LHFPL3: variants seen among roughly 807,000 people sequenced by gnomAD.
LHFPL3 encodes the protein LHFPL tetraspan subfamily member 3 protein.
In LHFPL3, 5 loss-of-function variants were observed where a neutral mutation model predicts 19.3. That is an observed-to-expected ratio of 0.26 (90% CI 0.14 to 0.54). The LOEUF (loss-of-function observed/expected upper bound fraction) is 0.54. LHFPL3 is among the 20% of genes least tolerant of loss of function. The probability of loss-of-function intolerance (pLI) is 0.94; values close to 1 mark genes in which losing one functional copy is unlikely to be tolerated. For missense variants in LHFPL3, 249 were observed against 307.4 expected, an observed-to-expected ratio of 0.81 and a Z score of 1.42; for synonymous variants, 133 against 126.2, an observed-to-expected ratio of 1.05 and a Z score of -0.36.
chr7:104,466,208 A>T (rs1792781830), intron 1 of LHFPL3, among the ~76,000 whole-genome samples: 2 of 152,204 alleles, frequency 1.3e-5, no homozygotes, highest in Non-Finnish European at 2.9e-5. Flanking sequence ...TATCTGTTTA[A>T]ATATTGGTAT....
chr7:104,433,265 G>A (rs1368000880), intron 1 of LHFPL3, among the ~76,000 whole-genome samples: 1 of 152,180 alleles, frequency 6.6e-6, no homozygotes, highest in Non-Finnish European at 1.5e-5. Flanking sequence ...CTTTGGAAAA[G>A]TTTACATGCT....
At chr7:104,462,307 C>T (rs1480188327) in intron 1 of LHFPL3, among the ~76,000 whole-genome samples, 1 of 152,118 alleles carries the variant, frequency 6.6e-6, no homozygotes, top group African/African-American at 2.4e-5. Flanking sequence ...AGAGGGCATC[C>T]TTGTCTTGTG....
At chr7:104,426,773 A>G (rs1791855844) in intron 1 of LHFPL3, among the ~76,000 whole-genome samples, 1 of 152,032 alleles carries the variant, frequency 6.6e-6, no homozygotes, top group South Asian at 2.1e-4. Flanking sequence ...TCCTACTTTC[A>G]TTTGCATTGG....
chr7:104,414,919 G>A (rs775182318), intron 1 of LHFPL3, among the ~76,000 whole-genome samples: 6 of 152,182 alleles, frequency 3.9e-5, no homozygotes, highest in Non-Finnish European at 8.8e-5. Context: ...CTGAGGATGT[G>A]TTTGGATTTA....
At chr7:104,542,201 C>T (rs1794498647) in intron 1 of LHFPL3, among the ~76,000 whole-genome samples, 1 of 152,068 alleles carries the variant, frequency 6.6e-6, no homozygotes, top group African/African-American at 2.4e-5. Context: ...TTTGAGGCCC[C>T]AGTTCCAGGA....
At chr7:104,518,999 A>G (rs1163684891) in intron 1 of LHFPL3, among the ~76,000 whole-genome samples, 1 of 152,150 alleles carries the variant, frequency 6.6e-6, no homozygotes. Context: ...TGAGGAAAAT[A>G]CACACATTTT....
chr7:104,612,975 T>C (rs1212215984), intron 1 of LHFPL3, among the ~76,000 whole-genome samples: 2 of 152,224 alleles, frequency 1.3e-5, no homozygotes, highest in Non-Finnish European at 1.5e-5. Flanking sequence ...ATTGAAGTAA[T>C]TCATTTGGAA....
At chr7:104,658,519 C>T (rs2115973159) in intron 1 of LHFPL3, among the ~76,000 whole-genome samples, 1 of 152,298 alleles carries the variant, frequency 6.6e-6, no homozygotes, top group East Asian at 1.9e-4. Context: ...CCTCTAGTAC[C>T]TGGCTGGCAT....
chr7:104,796,009 G>A (rs902358493), intron 2 of LHFPL3, among the ~76,000 whole-genome samples: 4 of 152,136 alleles, frequency 2.6e-5, no homozygotes, highest in South Asian at 2.1e-4. Context: ...CCAGTGCCGG[G>A]GCTTCTGCCT....
At chr7:104,701,845 C>T (rs980723829) in intron 1 of LHFPL3, among the ~76,000 whole-genome samples, 2 of 145,316 alleles carry the variant, frequency 1.4e-5, no homozygotes, top group Non-Finnish European at 3.0e-5. Context: ...TTTCTAGGAA[C>T]CCTTTTTTGT....
chr7:104,604,190 G>A (rs1791044199), intron 1 of LHFPL3, among the ~76,000 whole-genome samples: 2 of 152,196 alleles, frequency 1.3e-5, no homozygotes, highest in Non-Finnish European at 2.9e-5. Flanking sequence ...GCACCACATG[G>A]TAGCTGACAA....
intron 1 of LHFPL3, among the ~76,000 whole-genome samples, chr7:104,362,803 G>A (rs569985927): frequency 6.6e-6 from 1 of 152,352 alleles, no homozygotes; most frequent in East Asian, 1.9e-4. Context: ...AATGGAGAAT[G>A]TTGATTAGTT....
chr7:104,621,722 A>T (rs1383735265), intron 1 of LHFPL3, among the ~76,000 whole-genome samples: 4 of 152,236 alleles, frequency 2.6e-5, no homozygotes, highest in Non-Finnish European at 4.4e-5. Context: ...AGTTGGCAGC[A>T]GGCATGCTCC....
In LHFPL3 at chr7:104,884,807, C is replaced by G. The variant is rs148939041; in HGVS notation, c.683-21380C>G. ...CCCAAGCTTCAAGGGGAGACTTTGTCTGCACCTGGAAAGGAGGGGTTCTGT... is the reference window on the plus strand; with the variant it reads ...CCCAAGCTTCAAGGGGAGACTTTGTGTGCACCTGGAAAGGAGGGGTTCTGT... On this transcript the variant is annotated intron_variant, in intron 2 of 2. Coordinates refer to ENST00000424859, the MANE Select transcript of LHFPL3 (RefSeq NM_199000.3). Among the ~76,000 whole-genome samples the G allele has an allele frequency of 9.4e-4, 143 of 152,256 alleles. 1 individual carries two copies. Among genetic ancestry groups the G allele is most frequent in the South Asian group, 3.7e-3 (18 of 4,822 alleles).
At chr7:104,784,458 T>C (rs1303355813) in intron 2 of LHFPL3, among the ~76,000 whole-genome samples, 1 of 152,198 alleles carries the variant, frequency 6.6e-6, no homozygotes, top group Non-Finnish European at 1.5e-5. Context: ...ACAGCTAATA[T>C]GCCAAATAGT....
At chr7:104,532,844 C>A (rs897200725) in intron 1 of LHFPL3, among the ~76,000 whole-genome samples, 1 of 152,138 alleles carries the variant, frequency 6.6e-6, no homozygotes, top group Admixed American at 6.5e-5. Flanking sequence ...GTAAAACAAA[C>A]AAAAGACACA....
chr7:104,440,040 G>GGGGC (rs1792189631), intron 1 of LHFPL3, among the ~76,000 whole-genome samples: 6 of 143,634 alleles, frequency 4.2e-5, no homozygotes, highest in African/African-American at 8.2e-5. Flanking sequence ...AAGCCTGGGG[G>GGGGC]GGGGGAGGGA....
At chr7:104,629,780 A>T (rs1333954998) in intron 1 of LHFPL3, among the ~76,000 whole-genome samples, 2 of 152,108 alleles carry the variant, frequency 1.3e-5, no homozygotes, top group East Asian at 3.9e-4. Flanking sequence ...CTGGGCTGTA[A>T]CCTTTAGCTG....
In LHFPL3 at chr7:104,824,898, G is replaced by A. The variant is rs574860391; in HGVS notation, c.683-81289G>A. On this transcript the variant is annotated intron_variant, in intron 2 of 2. Coordinates refer to ENST00000424859, the MANE Select transcript of LHFPL3 (RefSeq NM_199000.3). ...TAATTATATATATTATATAATAATT[G>A]TATATAATATAATAATTTTATAATA... Among the ~76,000 whole-genome samples the A allele has an allele frequency of 1.4e-3, 189 of 132,972 alleles. 2 individuals carry two copies. Among genetic ancestry groups the A allele is most frequent in the African/African-American group, 4.9e-3 (174 of 35,344 alleles). 87.2% of individuals were successfully genotyped at this position (132,972 alleles called of 152,430 possible).
Sources: allele counts gnomAD v4.1 joint callset (sites outside exome capture counted in the v4.1 genomes callset), GRCh38; gene constraint gnomAD v4.1.1; transcripts MANE v1.5; gene names NCBI Gene and HGNC (gene_info 2026-07-23, HGNC 2026-07-21).